HPSE2: variants seen among roughly 807,000 people sequenced by gnomAD.
HPSE2 encodes the protein inactive heparanase-2.
HPSE2 carries 38 observed loss-of-function variants against 60.5 expected under a neutral mutation model. The observed-to-expected ratio is 0.63, with a 90% CI of 0.48 to 0.82. The LOEUF (loss-of-function observed/expected upper bound fraction) is 0.82, where lower values mean the gene tolerates loss of function less well. Ranked by LOEUF, HPSE2 falls within the 40% of genes least tolerant of loss-of-function variation. The pLI is 0.00. For missense variants in HPSE2, 713 were observed against 740.4 expected, an observed-to-expected ratio of 0.96 and a Z score of 0.43; for synonymous variants, 295 against 293.2, an observed-to-expected ratio of 1.01 and a Z score of -0.06.
rs1946633548 is a variant in HPSE2, at chr10:98,641,413, G to A, written c.1098+434C>T. On this transcript the variant is annotated intron_variant, in intron 7 of 11. Coordinates refer to ENST00000370552, the MANE Select transcript of HPSE2 (RefSeq NM_021828.5). ...ACCAGCTTGGCCAGCATGGTGAAAC[G>A]CCATCTCTGCTAAAAATATAAAAAT... 2.6e-5 allele frequency among the ~76,000 whole-genome samples: 4 copies of A among 151,786 alleles called. 1 individual carries two copies. In the South Asian group the frequency reaches 6.2e-4, roughly 24 times the overall value.
intron 3 of HPSE2, among the ~76,000 whole-genome samples, chr10:98,850,611 C>T (rs944289790): frequency 6.6e-6 from 1 of 151,866 alleles, no homozygotes; most frequent in Admixed American, 6.6e-5. Context: ...GTGGCAGGTG[C>T]CTGTAGTCCC....
intron 3 of HPSE2, among the ~76,000 whole-genome samples, chr10:98,825,971 C>T (rs1951537945): frequency 6.6e-6 from 1 of 152,220 alleles, no homozygotes; most frequent in Non-Finnish European, 1.5e-5. Flanking sequence ...AACCACCCTA[C>T]TTCCAGACTC....
At chr10:98,657,808 C>A (rs1278026802) in intron 6 of HPSE2, among the ~76,000 whole-genome samples, 1 of 152,144 alleles carries the variant, frequency 6.6e-6, no homozygotes, top group Non-Finnish European at 1.5e-5. Flanking sequence ...ATTTCCCTTT[C>A]TGATAATTCT....
chr10:98,770,867 A>AG (rs1390728095), intron 3 of HPSE2, among the ~76,000 whole-genome samples: 1 of 152,158 alleles, frequency 6.6e-6, no homozygotes, highest in African/African-American at 2.4e-5. Flanking sequence ...AAAAGGGAAA[A>AG]GGGGGGCCAT....
At chr10:99,162,045 A>AC (rs560189184) in intron 2 of HPSE2, among the ~76,000 whole-genome samples, 28 of 152,270 alleles carry the variant, frequency 1.8e-4, no homozygotes, top group African/African-American at 6.5e-4. Context: ...ATGAAGAGTT[A>AC]TTTTTTAATA....
intron 2 of HPSE2, among the ~76,000 whole-genome samples, chr10:99,187,916 G>A (rs1296848926): frequency 1.3e-5 from 2 of 152,156 alleles, no homozygotes; most frequent in Non-Finnish European, 2.9e-5. Context: ...AGAAACACAT[G>A]TCCATGAAAA....
chr10:99,307,835 C>CACACACACAT, the HPSE2 span, among the ~76,000 whole-genome samples: 1 of 118,070 alleles, frequency 8.5e-6, no homozygotes, highest in Non-Finnish European at 1.9e-5. Context: ...TAAATGCGCA[C>CACACACACAT]ACACACACAC....
intron 3 of HPSE2, among the ~76,000 whole-genome samples, chr10:99,097,906 A>G (rs1018136662): frequency 6.6e-6 from 1 of 152,204 alleles, no homozygotes; most frequent in African/African-American, 2.4e-5. Context: ...CAAAGCAGAC[A>G]GGAAAAGTCA....
At chr10:99,310,101 C>T in the HPSE2 span, among the ~76,000 whole-genome samples, 5 of 152,330 alleles carry the variant, frequency 3.3e-5, no homozygotes, top group Middle Eastern at 3.4e-3. Context: ...TTGCCTTCTG[C>T]TCTGCGTATT....
At chr10:99,201,839 T>TC (rs1339286177) in intron 2 of HPSE2, among the ~76,000 whole-genome samples, 1 of 152,074 alleles carries the variant, frequency 6.6e-6, no homozygotes, top group Non-Finnish European at 1.5e-5. Context: ...CAGCCTAGAC[T>TC]CCTAGTTTTT....
rs1447876752 is a variant in HPSE2 at position 99,197,566 on chromosome 10, T to G, written c.448+34782A>C. Among the ~76,000 whole-genome samples the G allele has an allele frequency of 1.2e-4, 18 of 152,030 alleles. 1 individual carries two copies. ...AATACTGCTAAGAAAAGAATGAGTATCCACCTGACAGAGTTTTTTGAAGAT... is the reference window on the plus strand; with the variant it reads ...AATACTGCTAAGAAAAGAATGAGTAGCCACCTGACAGAGTTTTTTGAAGAT... On this transcript the variant is annotated intron_variant, in intron 2 of 11. Coordinates refer to ENST00000370552, the MANE Select transcript of HPSE2 (RefSeq NM_021828.5).
intron 3 of HPSE2, among the ~76,000 whole-genome samples, chr10:99,042,037 C>G (rs1957751641): frequency 1.3e-5 from 2 of 152,068 alleles, no homozygotes; most frequent in Non-Finnish European, 2.9e-5. Flanking sequence ...GTATAAAAAC[C>G]CAAGTCATAG....
At chr10:98,519,271 C>T (rs978051136) in intron 9 of HPSE2, among the ~76,000 whole-genome samples, 1 of 152,234 alleles carries the variant, frequency 6.6e-6, no homozygotes, top group Non-Finnish European at 1.5e-5. Context: ...TAAAGTCTCA[C>T]ACCTTGAAGA....
chr10:99,139,862 G>A (rs916669134), intron 3 of HPSE2, among the ~76,000 whole-genome samples: 2 of 152,306 alleles, frequency 1.3e-5, no homozygotes, highest in African/African-American at 4.8e-5. Flanking sequence ...GGGTGTGACT[G>A]AATGTACAGC....
chr10:99,309,208 T>G, the HPSE2 span, among the ~76,000 whole-genome samples: 6 of 152,126 alleles, frequency 3.9e-5, no homozygotes, highest in African/African-American at 1.4e-4. Context: ...TTAATGGGTA[T>G]AAGTGGGTTT....
chr10:98,942,333 T>C (rs1373957516), intron 3 of HPSE2, among the ~76,000 whole-genome samples: 4 of 143,968 alleles, frequency 2.8e-5, no homozygotes, highest in South Asian at 2.1e-4. Context: ...CCTACTCATC[T>C]GACAAAGGGC....
At chr10:99,173,843 T>A (rs559013077) in intron 2 of HPSE2, among the ~76,000 whole-genome samples, 1 of 149,196 alleles carries the variant, frequency 6.7e-6, no homozygotes, top group East Asian at 2.0e-4. Flanking sequence ...CTCAGGAGGC[T>A]GAGGCAGGAG....
intron 3 of HPSE2, among the ~76,000 whole-genome samples, chr10:99,003,486 A>C (rs1458322022): frequency 6.6e-6 from 1 of 152,142 alleles, no homozygotes; most frequent in East Asian, 1.9e-4. Context: ...CCTTGACTCC[A>C]TATCCTTACC....
At chr10:98,684,186 C>T (rs1947853687) in intron 6 of HPSE2, among the ~76,000 whole-genome samples, 1 of 152,014 alleles carries the variant, frequency 6.6e-6, no homozygotes, top group Non-Finnish European at 1.5e-5. Context: ...CAAAAAGAAT[C>T]CCCAGGATAA....
Sources: gnomAD v4.1 joint callset for allele counts (sites outside exome capture counted in the v4.1 genomes callset) on GRCh38, gnomAD v4.1.1 for gene constraint, MANE v1.5 for transcripts, NCBI Gene and HGNC (gene_info 2026-07-23, HGNC 2026-07-21) for gene names.